The following ACE variants were observed in gnomAD, a reference collection of about 807,000 sequenced individuals.
ACE encodes angiotensin-converting enzyme.
ACE carries 122 observed loss-of-function variants against 162.3 expected under a neutral mutation model. The observed-to-expected ratio is 0.75, with a 90% CI of 0.65 to 0.87. ACE has a LOEUF of 0.87. Among genes scored for constraint, ACE ranks in the 40% least tolerant of loss-of-function variants. ACE has a pLI of 0.00. For synonymous variants in ACE, 796 were observed against 720.6 expected (o/e 1.10, Z -1.68); for missense variants, 1,799 against 1,735.1 (o/e 1.04, Z -0.65).
At position 63,482,627 on chromosome 17, in the gene ACE, C is replaced by T. The variant is rs1484293906; in HGVS notation, c.1280C>T (p.Ser427Leu). The part of the protein sequence containing the change: ...HEAIGDVLAL[S>L]VSTPEHLHKI... ...GCCATTGGGGACGTGCTGGCGCTCT[C>T]GGTCTCCACTCCTGAACATCTGCAC... Residue 427 changes from serine to leucine, a missense_variant, in exon 8 of 25, where the codon TCG becomes TTG. By Grantham distance (145) the Ser-to-Leu change is moderately radical. Coordinates refer to ENST00000290866, the MANE Select transcript of ACE (RefSeq NM_000789.4). 19 of 1,613,962 alleles carry T rather than the reference C, an allele frequency of 1.2e-5. No homozygotes were observed. The Admixed American group carries it at 2.2e-4, about 18-fold the overall frequency.
chr17:63,488,885 C>T lies in ACE; in HGVS notation c.2450-56C>T, dbSNP rs1319925919. ...CCCCAAGCCTAGGAAAAGGTAGATC[C>T]CTGGAGGAGGCAGGTAATGTGGTGT... is the stretch of plus-strand genomic sequence containing the variant. On this transcript the variant is annotated intron_variant, in intron 16 of 24. Coordinates refer to ENST00000290866, the MANE Select transcript of ACE (RefSeq NM_000789.4). 3.7e-6 allele frequency: 6 copies of T among 1,613,552 alleles called. No homozygotes were observed. The South Asian group carries it at 5.5e-5, about 15-fold the overall frequency.
rs753078890 is a variant in ACE at position 63,477,962 on chromosome 17, C to T, written c.281C>T (p.Ala94Val). 22 of 1,611,880 alleles carry T rather than the reference C, an allele frequency of 1.4e-5. No individual in the cohort carries two copies. Residue 94 changes from alanine (A) to valine (V), a missense_variant, in exon 2 of 25, where the codon GCG becomes GTG. Transcript: ENST00000290866. ...GCAGCCCTGCTCAGCCAGGAGTTTG[C>T]GGAGGCCTGGGGCCAGAAGGCCAAG... ...EEAALLSQEF[A>V]EAWGQKAKEL...
At position 63,484,242 on chromosome 17, in the gene ACE, G is replaced by A. The variant is rs528095070; in HGVS notation, c.1710-88G>A. 136 of 1,432,766 alleles carry A rather than the reference G, an allele frequency of 9.5e-5. 1 individual carries two copies. The South Asian group carries it at 1.4e-3, about 15-fold the overall frequency. 88.8% of individuals were successfully genotyped at this position (1,432,766 alleles called of 1,614,324 possible). A position where few individuals can be genotyped will look rare whatever the true frequency, so the allele number is the denominator to read the frequency against. On this transcript the variant is annotated intron_variant, in intron 11 of 24. Transcript: ENST00000290866. This position sits in a 1 kb window ranked among gnomAD's most constrained non-coding sequence, Gnocchi z 4.0. ...CAGTTTCTGCAGTCCATTGGGGGGC[G>A]GAAGTGGCCAGGGGCATGTGGGCCG... is the stretch of plus-strand genomic sequence containing the variant.
chr17:63,493,155 T>C (rs907658273), intron 19 of ACE, among the ~76,000 whole-genome samples: 1 of 152,214 alleles, frequency 6.6e-6, no homozygotes, highest in Admixed American at 6.5e-5. Context: ...GCAAGCACTT[T>C]GTACAGTCAG....
intron 5 of ACE, 44 bp from the exon 6 acceptor site, chr17:63,481,047 C>T (rs1175368201): frequency 1.3e-6 from 2 of 1,590,612 alleles, no homozygotes; most frequent in African/African-American, 1.3e-5. Flanking sequence ...GAAGCAGGCA[C>T]AGCCAGGCAG....
rs1328570712 is a variant in ACE, at chr17:63,496,418, G to C, written c.3405G>C (p.Gln1135His). ...YIRYFVSFII[Q>H]FQFHEALCQA... ...GGTACTTTGTCAGCTTCATCATCCA[G>C]TTCCAGTTCCACGAGGCACTGTGCC... The change falls in exon 23 of 25, where the codon CAG becomes CAC. Residue 1135 changes from glutamine (Q) to histidine (H), a missense_variant. Physicochemically the swap from Gln to His is conservative, Grantham distance 24. Transcript: ENST00000290866. 2 of 1,614,014 alleles carry C rather than the reference G, an allele frequency of 1.2e-6. No individual in the cohort carries two copies. The highest frequency in any genetic ancestry group is 1.3e-5 in the African/African-American group (1 of 75,066).
chr17:63,478,063 G>T lies in ACE; in HGVS notation c.382G>T (p.Gly128Cys). The change falls in exon 2 of 25, where the codon GGC (glycine) becomes TGC (cysteine). Residue 128 changes from glycine (G) to cysteine (C), a missense_variant. By Grantham distance (159) the Gly-to-Cys change is radical (BLOSUM62 -3). Coordinates refer to ENST00000290866, the MANE Select transcript of ACE (RefSeq NM_000789.4). ...RRIIGAVRTL[G>C]SANLPLAKRQ... The stretch of plus-strand genomic sequence containing the variant: ...GATCATCGGAGCTGTGCGCACCCTG[G>T]GCTCTGCCAACCTGCCCCTGGCTAA... 6.3e-7 allele frequency: 1 copy of T among 1,597,980 alleles called. No homozygotes were observed. The highest frequency in any genetic ancestry group is 2.3e-5 in the East Asian group (1 of 44,118).
intron 14 of ACE, 128 bp downstream of exon 14, chr17:63,486,843 T>G (rs556375606): frequency 6.7e-7 from 1 of 1,483,064 alleles, no homozygotes; most frequent in Non-Finnish European, 9.4e-7. Flanking sequence ...CCATGCGATG[T>G]GCACCTCAGA....
At chr17:63,493,845 C>G in intron 20 of ACE, 77 bp from the exon 21 acceptor site, 3 of 1,604,622 alleles carry the variant, frequency 1.9e-6, no homozygotes, top group Non-Finnish European at 2.6e-6. Flanking sequence ...GCACCCCCAC[C>G]CCTCCACCAT....
chr17:63,491,423 G>T lies in ACE; in HGVS notation c.2912+42G>T. Reference sequence around the variant, plus strand: ...CTCAGGTCTCGTTCCTGAGCCCCACGGGCAAGGGAAATGAACCAAGCAAAG... The same window carrying T: ...CTCAGGTCTCGTTCCTGAGCCCCACTGGCAAGGGAAATGAACCAAGCAAAG... On this transcript the variant is annotated intron_variant, in intron 19 of 24. Transcript: ENST00000290866. This position sits in a 1 kb window ranked among gnomAD's most constrained non-coding sequence, Gnocchi z 4.4. The T allele has an allele frequency of 1.2e-6, 2 of 1,612,902 alleles. No individual in the cohort carries two copies. The highest frequency in any genetic ancestry group is 1.7e-6 in the Non-Finnish European group (2 of 1,179,470).
chr17:63,493,856 C>T, intron 20 of ACE, 66 bp from the exon 21 acceptor site: 2 of 1,611,600 alleles, frequency 1.2e-6, no homozygotes, highest in East Asian at 2.2e-5. Flanking sequence ...CCTCCACCAT[C>T]ACAGGCACAC....
chr17:63,486,076 C>T (rs2147545141), intron 13 of ACE, among the ~76,000 whole-genome samples: 1 of 152,358 alleles, frequency 6.6e-6, no homozygotes, highest in East Asian at 1.9e-4. Flanking sequence ...TACACTTCCT[C>T]TTTACCCTCA....
chr17:63,491,378 T>G lies in ACE; in HGVS notation c.2909T>G (p.Phe970Cys), dbSNP rs2030374256. The change falls in exon 19 of 25, where the codon TTC (phenylalanine) becomes TGC (cysteine). Residue 970 changes from phenylalanine (F) to cysteine (C), a missense_variant. Phe to Cys is a radical substitution (Grantham distance 205, BLOSUM62 -2). Transcript: ENST00000290866. The surrounding 1 kb of genome is among the most constrained non-coding windows in gnomAD (Gnocchi z 4.4). ...TGGGACTTCTACAACGGCAAGGACT[T>G]CCGGTACATCCAGCTAGGGCTCAGG... ...SAWDFYNGKD[F>C]RIKQCTTVNL... The G allele has an allele frequency of 1.2e-6, 2 of 1,614,014 alleles. No individual in the cohort carries two copies. The highest frequency in any genetic ancestry group is 1.7e-6 in the Non-Finnish European group (2 of 1,180,008).
At chr17:63,480,971 C>A (rs2049697523) in intron 5 of ACE, 120 bp from the exon 6 acceptor site, 3 of 938,394 alleles carry the variant, frequency 3.2e-6, no homozygotes, top group Non-Finnish European at 3.5e-6. Context: ...CTAAGCCAGG[C>A]CTGCAGCCCT....
intron 19 of ACE, among the ~76,000 whole-genome samples, chr17:63,492,371 G>A (rs4351): frequency 0.5 from 75,826 of 152,128 alleles, 19,039 homozygotes; most frequent in South Asian, 0.61. Flanking sequence ...GGGAGAAGTG[G>A]CAAAGACCAT....
chr17:63,482,368 C>G (rs1051153259), intron 7 of ACE, 98 bp from the exon 8 acceptor site: 1 of 1,102,676 alleles, frequency 9.1e-7, no homozygotes, highest in African/African-American at 1.5e-5. Flanking sequence ...GCAGCTCCCT[C>G]CTCATTCCTG....
rs948647202 is a variant in ACE at position 63,488,854 on chromosome 17, G to A, written c.2449+63G>A. On this transcript the variant is annotated intron_variant, in intron 16 of 24. Transcript: ENST00000290866. ...CCTTCATTTTCCTCAAAGAGGTGCT[G>A]TGAAACCCCAAGCCTAGGAAAAGGT... 8 of 1,613,918 alleles carry A rather than the reference G, an allele frequency of 5.0e-6. No individual in the cohort carries two copies. In the South Asian group the frequency reaches 5.5e-5, roughly 11 times the overall value.
At chr17:63,486,932 C>A in intron 14 of ACE, 54 bp from the exon 15 acceptor site, 1 of 1,552,908 alleles carries the variant, frequency 6.4e-7, no homozygotes, top group East Asian at 2.2e-5. Context: ...GTGCAGGCCC[C>A]AGAGAGACCA....
intron 15 of ACE, 47 bp from the exon 16 acceptor site, chr17:63,488,601 A>G (rs1301164210): frequency 1.2e-6 from 2 of 1,605,016 alleles, no homozygotes; most frequent in South Asian, 2.2e-5. Flanking sequence ...CCTTACAAGC[A>G]GAGGTGAGCT....
Sources: allele counts gnomAD v4.1 joint callset (sites outside exome capture counted in the v4.1 genomes callset), GRCh38; gene constraint gnomAD v4.1.1; non-coding constraint Gnocchi (gnomAD v3.1); transcripts MANE v1.5; gene names NCBI Gene and HGNC (gene_info 2026-07-23, HGNC 2026-07-21).